HEG1: variants seen among roughly 807,000 people sequenced by gnomAD.
HEG1 encodes the protein protein HEG homolog 1.
In HEG1, 56 loss-of-function variants were observed where a neutral mutation model predicts 125.6. That is an observed-to-expected ratio of 0.45 (90% confidence interval 0.36 to 0.56). The LOEUF is 0.56. Among genes scored for constraint, HEG1 ranks in the 20% least tolerant of loss-of-function variants. The pLI, the probability that HEG1 is intolerant of heterozygous loss-of-function variation, is 0.00. For synonymous variants in HEG1, 644 were observed against 668.5 expected (o/e 0.96, Z 0.57); for missense variants, 1,523 against 1,670.0 (o/e 0.91, Z 1.53).
chr3:124,985,786 C>T lies in HEG1; in HGVS notation c.3733+5001G>A, dbSNP rs534425566. Among the ~76,000 whole-genome samples, 8 of 152,204 alleles carry T rather than the reference C, an allele frequency of 5.3e-5. No homozygotes were observed. The South Asian group carries it at 6.2e-4, about 12-fold the overall frequency. On this transcript the variant is annotated intron_variant, in intron 14 of 16. Coordinates refer to ENST00000311127, the MANE Select transcript of HEG1 (RefSeq NM_020733.2). ...GTCCTGCCCTTTCCAGATATTTATTCGTTTATTTTTTGAGACAGTCTTGCT... is the reference window on the plus strand; with the variant it reads ...GTCCTGCCCTTTCCAGATATTTATTTGTTTATTTTTTGAGACAGTCTTGCT...
intron 3 of HEG1, among the ~76,000 whole-genome samples, chr3:125,023,065 G>A (rs1162513072): frequency 6.6e-6 from 1 of 152,106 alleles, no homozygotes; most frequent in African/African-American, 2.4e-5. Context: ...GTGGTGGTGG[G>A]TGCCTGTAAT....
rs904082752 is a variant in HEG1 at position 125,019,547 on chromosome 3, G to A, written c.1303C>T (p.Pro435Ser). 1 of 1,611,658 alleles carries A rather than the reference G, an allele frequency of 6.2e-7. No individual in the cohort carries two copies. The highest frequency in any genetic ancestry group is 8.5e-7 in the Non-Finnish European group (1 of 1,178,050). The change falls in exon 5 of 17, where the codon CCC (proline) becomes TCC (serine). Residue 435 changes from proline (P) to serine (S), a missense_variant. Transcript: ENST00000311127. ...GACACAGTCTCAGTCTGAGACATGG[G>A]ACTTCCATTTTGCACCTCAGAGCTG... ...ASSSEVQNGS[P>S]MSQTETVSRS...
At chr3:124,981,602 C>T (rs1419252426) in intron 14 of HEG1, among the ~76,000 whole-genome samples, 1 of 152,172 alleles carries the variant, frequency 6.6e-6, no homozygotes, top group Non-Finnish European at 1.5e-5. Context: ...CTAGAGGCTT[C>T]TACGGGATGG....
chr3:125,044,822 CG>C (rs1436491907), intron 1 of HEG1, among the ~76,000 whole-genome samples: 2 of 152,176 alleles, frequency 1.3e-5, no homozygotes, highest in African/African-American at 4.8e-5. Flanking sequence ...TTGTGGGCTT[CG>C]GGGATGTCTC....
intron 1 of HEG1, among the ~76,000 whole-genome samples, chr3:125,038,547 C>T (rs1350893955): frequency 6.6e-6 from 1 of 152,232 alleles, no homozygotes; most frequent in African/African-American, 2.4e-5. Context: ...AACATCCAAG[C>T]GCTTTACACC....
chr3:124,998,461 C>T (rs927765278), intron 11 of HEG1, among the ~76,000 whole-genome samples: 2 of 152,162 alleles, frequency 1.3e-5, no homozygotes, highest in African/African-American at 2.4e-5. Flanking sequence ...CAGGCAGTTT[C>T]CCCCACTCCA....
chr3:125,023,857 T>C lies in HEG1; in HGVS notation c.914-2727A>G, dbSNP rs202076915. On this transcript the variant is annotated intron_variant, in intron 3 of 16. Transcript: ENST00000311127. ...AGAATGCCTACTCGTCTGCTAAAAG[T>C]ACATGGGTCTCTCTTCAATCACAGC... Among the ~76,000 whole-genome samples the C allele has an allele frequency of 5.3e-5, 8 of 152,326 alleles. No homozygotes were observed. In the East Asian group the frequency reaches 1.3e-3, roughly 26 times the overall value.
intron 1 of HEG1, among the ~76,000 whole-genome samples, chr3:125,034,596 A>C (rs1216279487): frequency 6.6e-6 from 1 of 152,122 alleles, no homozygotes; most frequent in Non-Finnish European, 1.5e-5. Context: ...CCACGAGTTC[A>C]AGACCAGCCT....
chr3:125,047,430 C>T (rs995990082), intron 1 of HEG1, among the ~76,000 whole-genome samples: 8 of 152,162 alleles, frequency 5.3e-5, no homozygotes, highest in South Asian at 2.1e-4. Flanking sequence ...ATAAACTGAC[C>T]GCACAGAGAG....
rs1936340335 is a variant in HEG1 at position 124,967,612 on chromosome 3, G to C, written c.*3040C>G. 1 of 152,148 alleles carries C rather than the reference G, an allele frequency of 6.6e-6. No individual in the cohort carries two copies. Among genetic ancestry groups the C allele is most frequent in the Non-Finnish European group, 1.5e-5 (1 of 68,046 alleles). 9.4% of individuals were successfully genotyped at this position (152,148 alleles called of 1,614,324 possible). On this transcript the variant is annotated 3_prime_UTR_variant, in exon 17 of 17. Transcript: ENST00000311127. ...ATACAGGATGGTGAGGGGTGTGCCAGGACAGTAAGGCAGGGGGCTACAGTG... is the reference window on the plus strand; with the variant it reads ...ATACAGGATGGTGAGGGGTGTGCCACGACAGTAAGGCAGGGGGCTACAGTG...
At chr3:125,043,861 C>T (rs1485646247) in intron 1 of HEG1, among the ~76,000 whole-genome samples, 1 of 151,726 alleles carries the variant, frequency 6.6e-6, no homozygotes, top group African/African-American at 2.4e-5. Flanking sequence ...ATCCTGGTTC[C>T]GAGGAGGAAG....
Position 124,970,734 on chromosome 3 carries a change from C to T in HEG1, c.4064G>A (p.Gly1355Glu). Residue 1355 changes from glycine to glutamate, a missense_variant, in exon 17 of 17, where the codon GGA (glycine) becomes GAA (glutamate). Physicochemically the swap from Gly to Glu is moderately conservative, Grantham distance 98. Coordinates refer to ENST00000311127, the MANE Select transcript of HEG1 (RefSeq NM_020733.2). ...GLYPAYTGLP[G>E]SRHSCIFPGQ... ...GGGGAAAATGCAAGAATGCCGTGAT[C>T]CTGGCAGTCCAGTGTAGGCCGGGTA... The T allele has an allele frequency of 6.2e-7, 1 of 1,610,330 alleles. No homozygotes were observed. Among genetic ancestry groups the T allele is most frequent in the Non-Finnish European group, 8.5e-7 (1 of 1,178,380 alleles).
chr3:125,032,531 C>T (rs1397121886), intron 1 of HEG1, among the ~76,000 whole-genome samples: 1 of 152,156 alleles, frequency 6.6e-6, no homozygotes, highest in Non-Finnish European at 1.5e-5. Context: ...GGGGCAGCCA[C>T]AAGGCCTGTA....
At chr3:124,973,155 A>G (rs6788620) in intron 16 of HEG1, among the ~76,000 whole-genome samples, 101,743 of 151,834 alleles carry the variant, frequency 0.67, 35,030 homozygotes, top group African/African-American at 0.84. Context: ...TCAAGTAGCT[A>G]GAACCACAGG....
intron 1 of HEG1, among the ~76,000 whole-genome samples, chr3:125,045,894 A>AT (rs1209766263): frequency 1.3e-5 from 2 of 152,216 alleles, no homozygotes; most frequent in Admixed American, 6.5e-5. Context: ...CAGAAGTTAA[A>AT]TGACTTGCCC....
chr3:125,045,589 C>T (rs942172845), intron 1 of HEG1, among the ~76,000 whole-genome samples: 2 of 152,176 alleles, frequency 1.3e-5, no homozygotes, highest in African/African-American at 4.8e-5. Context: ...AGACAGATGA[C>T]AGGACAGAGA....
chr3:125,000,599 T>A (rs1232855570), intron 11 of HEG1, among the ~76,000 whole-genome samples: 1 of 136,482 alleles, frequency 7.3e-6, no homozygotes. Flanking sequence ...AAAGTTTAGC[T>A]TTTTTTTTTT....
At chr3:125,024,531 C>T (rs917208373) in intron 3 of HEG1, among the ~76,000 whole-genome samples, 2 of 152,156 alleles carry the variant, frequency 1.3e-5, no homozygotes, top group Non-Finnish European at 1.5e-5. Context: ...AAATATGGAA[C>T]ACATAGAAGG....
chr3:125,051,302 C>G (rs1184945887), intron 1 of HEG1, among the ~76,000 whole-genome samples: 2 of 152,164 alleles, frequency 1.3e-5, no homozygotes, highest in Non-Finnish European at 2.9e-5. Flanking sequence ...GGCCCCTAAT[C>G]TCTACAAAAA....
Sources: gnomAD v4.1 joint callset for allele counts (sites outside exome capture counted in the v4.1 genomes callset) on GRCh38, gnomAD v4.1.1 for gene constraint, MANE v1.5 for transcripts, NCBI Gene and HGNC (gene_info 2026-07-23, HGNC 2026-07-21) for gene names.